DAB1: variants seen among roughly 807,000 people sequenced by gnomAD.
The protein encoded by DAB1 is DAB adaptor protein 1, also known as disabled homolog 1.
Under a neutral mutation model 64.6 loss-of-function variants are expected in DAB1, and 15 were observed. The observed-to-expected ratio is 0.23, with a 90% CI of 0.16 to 0.36. DAB1 has a LOEUF of 0.36. Among genes scored for constraint, DAB1 ranks in the 10% least tolerant of loss-of-function variants. The probability of loss-of-function intolerance (pLI) is 1.00; values close to 1 mark genes in which losing one functional copy is unlikely to be tolerated. For missense variants in DAB1, 596 were observed against 706.7 expected, an observed-to-expected ratio of 0.84 and a Z score of 1.78; for synonymous variants, 235 against 251.9, an observed-to-expected ratio of 0.93 and a Z score of 0.64.
intron 5 of DAB1, among the ~76,000 whole-genome samples, chr1:58,099,588 CA>C (rs1256098605): frequency 6.6e-6 from 1 of 152,166 alleles, no homozygotes; most frequent in East Asian, 1.9e-4. Flanking sequence ...GCACAGGCAC[CA>C]AGAAGAACAT....
At chr1:57,784,003 AAG>A (rs1217208943) in intron 6 of DAB1, among the ~76,000 whole-genome samples, 1 of 152,192 alleles carries the variant, frequency 6.6e-6, no homozygotes, top group Non-Finnish European at 1.5e-5. Flanking sequence ...AAGTGAAAGG[AAG>A]AGTCATATAT....
At chr1:57,795,201 A>C (rs1650786171) in intron 6 of DAB1, among the ~76,000 whole-genome samples, 1 of 152,268 alleles carries the variant, frequency 6.6e-6, no homozygotes, top group South Asian at 2.1e-4. Context: ...GAAATGCCAC[A>C]CATTTAATCT....
chr1:58,031,175 T>C (rs1024283846), intron 5 of DAB1, among the ~76,000 whole-genome samples: 3 of 152,290 alleles, frequency 2.0e-5, no homozygotes, highest in Non-Finnish European at 4.4e-5. Context: ...TGAATATGTA[T>C]GTGGCTTACA....
intron 2 of DAB1, among the ~76,000 whole-genome samples, chr1:58,513,736 T>A (rs1646117630): frequency 6.6e-6 from 1 of 152,232 alleles, no homozygotes; most frequent in Non-Finnish European, 1.5e-5. Context: ...GGCATTGTTT[T>A]AAGTGTATTA....
At chr1:58,352,166 G>A (rs994021061) in intron 3 of DAB1, among the ~76,000 whole-genome samples, 1 of 151,938 alleles carries the variant, frequency 6.6e-6, no homozygotes, top group African/African-American at 2.4e-5. Flanking sequence ...CAGTGCACAT[G>A]CATAGGAAGC....
intron 2 of DAB1, among the ~76,000 whole-genome samples, chr1:57,244,599 A>G (rs1570031802): frequency 1.3e-5 from 2 of 152,292 alleles, no homozygotes; most frequent in East Asian, 3.9e-4. Context: ...ATTACTCTTG[A>G]CCAATGTAAA....
chr1:57,475,487 A>C (rs1205419891), intron 7 of DAB1, among the ~76,000 whole-genome samples: 1 of 152,196 alleles, frequency 6.6e-6, no homozygotes, highest in Non-Finnish European at 1.5e-5. Context: ...AGTAATTAGC[A>C]TTCAGATTCA....
At chr1:58,090,620 T>A (rs1039868175) in intron 5 of DAB1, among the ~76,000 whole-genome samples, 1 of 152,194 alleles carries the variant, frequency 6.6e-6, no homozygotes. Context: ...CAGTCCTACC[T>A]TCATCCCTTA....
chr1:58,110,134 C>A (rs1651888497), intron 5 of DAB1, among the ~76,000 whole-genome samples: 2 of 152,222 alleles, frequency 1.3e-5, no homozygotes, highest in South Asian at 2.1e-4. Flanking sequence ...AATATTAAGA[C>A]ACAGAGTCAG....
intron 5 of DAB1, among the ~76,000 whole-genome samples, chr1:57,944,271 C>A (rs1185537088): frequency 6.6e-6 from 1 of 152,094 alleles, no homozygotes; most frequent in Non-Finnish European, 1.5e-5. Context: ...GCTGGAATCA[C>A]CTGTTCCACC....
At chr1:58,181,767 T>G (rs1003981114) in intron 4 of DAB1, among the ~76,000 whole-genome samples, 2 of 151,110 alleles carry the variant, frequency 1.3e-5, no homozygotes, top group Non-Finnish European at 2.9e-5. Context: ...CATCATTATA[T>G]GTTATAAGCC....
At chr1:57,866,882 A>T (rs1654325090) in intron 1 of DAB1, 1 of 152,186 alleles carries the variant, frequency 6.6e-6, no homozygotes. Flanking sequence ...CCTTGAAAGA[A>T]GGTAGCTGAG....
chr1:57,126,826 C>T (rs1657167306), intron 4 of DAB1, among the ~76,000 whole-genome samples: 1 of 152,206 alleles, frequency 6.6e-6, no homozygotes, highest in Non-Finnish European at 1.5e-5. Context: ...CCCTGGGCTC[C>T]TCTCCATCAC....
At chr1:57,454,656 A>AT (rs952572872) in intron 7 of DAB1, among the ~76,000 whole-genome samples, 2 of 151,988 alleles carry the variant, frequency 1.3e-5, no homozygotes, top group African/African-American at 4.8e-5. Context: ...TAAACGTAAA[A>AT]TTTTTTTTAA....
chr1:58,184,828 A>C (rs1656984530), intron 4 of DAB1, among the ~76,000 whole-genome samples: 1 of 152,182 alleles, frequency 6.6e-6, no homozygotes, highest in Admixed American at 6.5e-5. Context: ...AAAGCCTTTT[A>C]CTCTAATTCA....
intron 1 of DAB1, among the ~76,000 whole-genome samples, chr1:57,311,506 C>T (rs1168097415): frequency 6.7e-6 from 1 of 150,280 alleles, no homozygotes; most frequent in Non-Finnish European, 1.5e-5. Flanking sequence ...TGTTCTTCCC[C>T]ACCTCCTGCC....
In DAB1 at chr1:57,737,086, G is replaced by C. The variant is rs533196022; in HGVS notation, n.552-87421C>G. ...GCTGCAGCTGTAGCTACCGGAGAGG[G>C]CTTCTCAACAGGAGCTGTGGCTTCC... On this transcript the variant is annotated intron_variant and non_coding_transcript_variant, in intron 6 of 20. Coordinates refer to the DAB1 transcript ENST00000485760. 2.6e-5 allele frequency among the ~76,000 whole-genome samples: 4 copies of C among 152,312 alleles called. No homozygotes were observed. In the East Asian group the frequency reaches 7.7e-4, roughly 29 times the overall value.
intron 1 of DAB1, among the ~76,000 whole-genome samples, chr1:57,412,262 T>C (rs1684171310): frequency 6.6e-6 from 1 of 152,214 alleles, no homozygotes; most frequent in Non-Finnish European, 1.5e-5. Flanking sequence ...GACACAGCAA[T>C]ATTGAAATAG....
At chr1:58,366,387 G>T (rs1644217642) in intron 3 of DAB1, among the ~76,000 whole-genome samples, 1 of 152,174 alleles carries the variant, frequency 6.6e-6, no homozygotes, top group Admixed American at 6.5e-5. Flanking sequence ...TCACATACGA[G>T]AATCTTCTGA....
Sources: allele counts gnomAD v4.1 joint callset (sites outside exome capture counted in the v4.1 genomes callset), GRCh38; gene constraint gnomAD v4.1.1; transcripts MANE v1.5; gene names NCBI Gene and HGNC (gene_info 2026-07-23, HGNC 2026-07-21).